The following TATDN1 variants were observed in gnomAD, a reference collection of about 807,000 sequenced individuals.
TATDN1 encodes TatD DNase domain containing 1, also known as deoxyribonuclease TATDN1.
A neutral mutation model predicts 46.4 loss-of-function variants in TATDN1; 40 were observed. That is an observed-to-expected ratio of 0.86 (90% confidence interval 0.67 to 1.12). TATDN1 has a LOEUF of 1.12. Ranked by LOEUF, TATDN1 falls within the 50% of genes most tolerant of loss-of-function variation. The probability of loss-of-function intolerance (pLI) is 0.00; values close to 1 mark genes in which losing one functional copy is unlikely to be tolerated. For missense variants in TATDN1, 326 were observed against 348.4 expected (o/e 0.94, Z 0.51); for synonymous variants, 95 against 105.6 (o/e 0.90, Z 0.62).
intron 1 of TATDN1, among the ~76,000 whole-genome samples, chr8:124,530,534 C>T (rs1249303860): frequency 6.6e-6 from 1 of 152,150 alleles, no homozygotes; most frequent in Admixed American, 6.5e-5. Context: ...ATTCAGAAAA[C>T]TGAACCAAGG....
At chr8:124,529,627 C>T (rs577540703) in intron 1 of TATDN1, among the ~76,000 whole-genome samples, 3 of 152,304 alleles carry the variant, frequency 2.0e-5, no homozygotes, top group Admixed American at 6.5e-5. Flanking sequence ...TGTATTCATG[C>T]GGAGTGCTGA....
intron 9 of TATDN1, among the ~76,000 whole-genome samples, chr8:124,496,803 G>A (rs1464909394): frequency 1.3e-5 from 2 of 152,144 alleles, no homozygotes; most frequent in Admixed American, 1.3e-4. Context: ...CATTAAATTA[G>A]GTAATATGGA....
intron 1 of TATDN1, among the ~76,000 whole-genome samples, chr8:124,537,090 C>A (rs551800988): frequency 1.3e-5 from 2 of 152,192 alleles, no homozygotes; most frequent in African/African-American, 4.8e-5. Context: ...TTTAAGAAGT[C>A]TTTTCTTGCT....
At chr8:124,520,437 A>C (rs966142551) in intron 3 of TATDN1, among the ~76,000 whole-genome samples, 1 of 151,554 alleles carries the variant, frequency 6.6e-6, no homozygotes, top group Non-Finnish European at 1.5e-5. Flanking sequence ...ACTCGCCTCC[A>C]GAAAAAAAAA....
At chr8:124,502,692 T>C (rs1398354575) in intron 9 of TATDN1, among the ~76,000 whole-genome samples, 1 of 152,238 alleles carries the variant, frequency 6.6e-6, no homozygotes, top group African/African-American at 2.4e-5. Flanking sequence ...ATTATCTACA[T>C]AGGTTTGCTC....
intron 1 of TATDN1, among the ~76,000 whole-genome samples, chr8:124,524,694 A>G (rs1257608484): frequency 6.6e-6 from 1 of 152,224 alleles, no homozygotes; most frequent in Non-Finnish European, 1.5e-5. Flanking sequence ...ACAGAAGGGA[A>G]GGTTTTGCAG....
intron 1 of TATDN1, chr8:124,526,825 C>G (rs1445530902): frequency 6.6e-6 from 1 of 152,158 alleles, no homozygotes; most frequent in Admixed American, 6.5e-5. Flanking sequence ...CACCTATGAT[C>G]TAGGAATACA....
At chr8:124,492,236 A>G (rs563024812) in intron 11 of TATDN1, among the ~76,000 whole-genome samples, 2 of 152,184 alleles carry the variant, frequency 1.3e-5, no homozygotes, top group South Asian at 4.1e-4. Flanking sequence ...TGGCCTCCCA[A>G]AGTGCTGGGA....
chr8:124,515,989 C>T lies in TATDN1; in HGVS notation c.244G>A (p.Gly82Ser), dbSNP rs1373958460. ...TCAGGGTTATTCTTTTCAAATTCAC[C>T]ACATCTTGTAGGATGACATCCAACT... ...STVGCHPTRCGEFEKNNPDLY... is the reference protein window; with the variant it reads ...STVGCHPTRCSEFEKNNPDLY... Residue 82 changes from glycine (G) to serine (S), a missense_variant, in exon 5 of 12, where the codon GGT (glycine) becomes AGT (serine). Gly to Ser is a moderately conservative substitution (Grantham distance 56, BLOSUM62 0). Transcript: ENST00000276692. The T allele has an allele frequency of 6.2e-7, 1 of 1,613,580 alleles. No homozygotes were observed. The highest frequency in any genetic ancestry group is 1.3e-5 in the African/African-American group (1 of 74,898).
chr8:124,496,804 G>A (rs1817504410), intron 9 of TATDN1, among the ~76,000 whole-genome samples: 1 of 152,138 alleles, frequency 6.6e-6, no homozygotes, highest in South Asian at 2.1e-4. Context: ...ATTAAATTAG[G>A]TAATATGGAC....
At chr8:124,535,606 A>T (rs1229583214) in intron 1 of TATDN1, among the ~76,000 whole-genome samples, 1 of 152,242 alleles carries the variant, frequency 6.6e-6, no homozygotes, top group Non-Finnish European at 1.5e-5. Flanking sequence ...TAGCCTCAGT[A>T]TGATCTTATT....
intron 9 of TATDN1, among the ~76,000 whole-genome samples, chr8:124,502,626 AG>A (rs1818074081): frequency 6.6e-6 from 1 of 152,212 alleles, no homozygotes. Flanking sequence ...ATCTAAAAAT[AG>A]GAACTAGTCC....
At chr8:124,537,089 T>C (rs1214220858) in intron 1 of TATDN1, among the ~76,000 whole-genome samples, 1 of 152,158 alleles carries the variant, frequency 6.6e-6, no homozygotes, top group Non-Finnish European at 1.5e-5. Flanking sequence ...CTTTAAGAAG[T>C]CTTTTCTTGC....
In TATDN1 at chr8:124,497,094, C is replaced by A. The variant is rs113062799; in HGVS notation, c.594-1552G>T. Among the ~76,000 whole-genome samples the A allele has an allele frequency of 7.2e-3, 1,089 of 152,248 alleles. 13 individuals carry two copies. Among genetic ancestry groups the A allele is most frequent in the African/African-American group, 0.025 (1,047 of 41,528 alleles). The stretch of plus-strand genomic sequence containing the variant: ...AATTAGGACACAAATGAGAGGCCCA[C>A]ACATTGCAATTGGTCATTGTCTTCT... On this transcript the variant is annotated intron_variant, in intron 9 of 11. Transcript: ENST00000276692.
At chr8:124,511,837 A>G (rs1178636272) in intron 6 of TATDN1, among the ~76,000 whole-genome samples, 2 of 152,110 alleles carry the variant, frequency 1.3e-5, no homozygotes, top group African/African-American at 4.8e-5. Flanking sequence ...ACTCTGCATG[A>G]CTCATGTCAC....
chr8:124,528,495 G>T (rs1363442074), intron 1 of TATDN1, among the ~76,000 whole-genome samples: 1 of 151,978 alleles, frequency 6.6e-6, no homozygotes, highest in African/African-American at 2.4e-5. Flanking sequence ...TATTTCACCT[G>T]AAGTACTTAT....
In TATDN1 at chr8:124,493,311, A is replaced by G. The variant is rs141875688; in HGVS notation, c.791+522T>C. 4.2e-4 allele frequency among the ~76,000 whole-genome samples: 64 copies of G among 152,356 alleles called. 1 individual carries two copies. In the East Asian group the frequency reaches 9.2e-3, roughly 22 times the overall value. On this transcript the variant is annotated intron_variant, in intron 11 of 11. Coordinates refer to ENST00000276692, the MANE Select transcript of TATDN1 (RefSeq NM_032026.4). Reference sequence around the variant, plus strand: ...ACAAAAGAAATTGGATTATGTACCCATTAAAATGATATAACCACCTTCTCC... The same window carrying G: ...ACAAAAGAAATTGGATTATGTACCCGTTAAAATGATATAACCACCTTCTCC...
At chr8:124,503,922 C>T (rs1054537717) in intron 9 of TATDN1, 98 of 1,298,440 alleles carry the variant, frequency 7.5e-5, no homozygotes, top group Non-Finnish European at 9.2e-5. Flanking sequence ...CGTCCATAGT[C>T]AGATATGACG....
At chr8:124,497,317 A>C (rs1586566844) in intron 9 of TATDN1, among the ~76,000 whole-genome samples, 2 of 138,536 alleles carry the variant, frequency 1.4e-5, no homozygotes, top group Admixed American at 1.5e-4. Context: ...ATGGAGTCTC[A>C]CTCTGTTGCC....
Sources: allele counts gnomAD v4.1 joint callset (sites outside exome capture counted in the v4.1 genomes callset), GRCh38; gene constraint gnomAD v4.1.1; transcripts MANE v1.5; gene names NCBI Gene and HGNC (gene_info 2026-07-23, HGNC 2026-07-21).